Variants in RABGAP1L observed in about 807,000 individuals in gnomAD.
The protein encoded by RABGAP1L is RAB GTPase activating protein 1 like.
Under a neutral mutation model 137.7 loss-of-function variants are expected in RABGAP1L, and 63 were observed. The ratio of observed to expected loss-of-function variants is 0.46; its 90% CI spans 0.37 to 0.56. The LOEUF is 0.56. RABGAP1L is among the 20% of genes least tolerant of loss of function. RABGAP1L has a pLI of 0.00. For synonymous variants in RABGAP1L, 431 were observed against 433.7 expected (o/e 0.99, Z 0.08); for missense variants, 1,095 against 1,244.0 (o/e 0.88, Z 1.80).
At chr1:174,704,855 A>G (rs1035115292) in intron 17 of RABGAP1L, among the ~76,000 whole-genome samples, 3 of 152,200 alleles carry the variant, frequency 2.0e-5, no homozygotes, top group Non-Finnish European at 2.9e-5. Flanking sequence ...TTATAGGGCA[A>G]TACTCTTTGA....
At position 174,711,439 on chromosome 1, in the gene RABGAP1L, G is replaced by A. The variant is rs368229800; in HGVS notation, c.2169+9183G>A. Reference sequence around the variant, plus strand: ...AACCGAGGCTGCGCACAGTGCTTGCGGGCCAGAACGAGTTCCAGGTGGGCG... The same window carrying A: ...AACCGAGGCTGCGCACAGTGCTTGCAGGCCAGAACGAGTTCCAGGTGGGCG... On this transcript the variant is annotated intron_variant, in intron 17 of 25. Transcript: ENST00000681986. Among the ~76,000 whole-genome samples, 122 of 152,150 alleles carry A rather than the reference G, an allele frequency of 8.0e-4. 2 individuals carry two copies. The East Asian group carries it at 0.021, about 27-fold the overall frequency.
At chr1:174,620,514 C>G (rs1009336793) in intron 13 of RABGAP1L, among the ~76,000 whole-genome samples, 1 of 152,144 alleles carries the variant, frequency 6.6e-6, no homozygotes, top group African/African-American at 2.4e-5. Context: ...GGAAACTGAA[C>G]AACCTGCTCC....
intron 11 of RABGAP1L, among the ~76,000 whole-genome samples, chr1:174,355,259 T>C (rs898401794): frequency 2.6e-5 from 4 of 151,986 alleles, no homozygotes; most frequent in African/African-American, 7.3e-5. Flanking sequence ...GTGGCACATA[T>C]ACACCATGGA....
chr1:174,656,326 T>C (rs1434804435), intron 14 of RABGAP1L, among the ~76,000 whole-genome samples: 1 of 152,040 alleles, frequency 6.6e-6, no homozygotes, highest in Non-Finnish European at 1.5e-5. Flanking sequence ...GGCATAGTGG[T>C]GGGTGCCTGT....
At chr1:174,486,223 C>CTTTTTTTT (rs201692363) in intron 13 of RABGAP1L, among the ~76,000 whole-genome samples, 9 of 119,870 alleles carry the variant, frequency 7.5e-5, no homozygotes, top group Non-Finnish European at 1.1e-4. Context: ...GTTCTTTTTT[C>CTTTTTTTT]TTTTTTTTTT....
chr1:174,422,647 A>G (rs563020281), intron 13 of RABGAP1L, among the ~76,000 whole-genome samples: 15 of 152,200 alleles, frequency 9.9e-5, no homozygotes, highest in Non-Finnish European at 1.3e-4. Context: ...TCTGATTAAA[A>G]TCTAGTTTAA....
At chr1:174,790,461 T>C (rs1204952953) in intron 18 of RABGAP1L, among the ~76,000 whole-genome samples, 3 of 151,704 alleles carry the variant, frequency 2.0e-5, no homozygotes, top group Non-Finnish European at 4.4e-5. Context: ...CCGTCTCTAC[T>C]AAAAATACAA....
At chr1:174,266,623 C>T (rs547061631) in intron 7 of RABGAP1L, among the ~76,000 whole-genome samples, 4 of 152,212 alleles carry the variant, frequency 2.6e-5, no homozygotes, top group Non-Finnish European at 5.9e-5. Context: ...TCACTATATA[C>T]ATACATGATT....
chr1:174,696,704 C>T lies in RABGAP1L; in HGVS notation c.1900-2821C>T, dbSNP rs1679287070. ...CCACAATCCCTGCTCTCTCCCTTTC[C>T]CAAGTGCATGGATTCTTTCTCTACA... On this transcript the variant is annotated intron_variant, in intron 15 of 25. Coordinates refer to ENST00000681986, the MANE Select transcript of RABGAP1L (RefSeq NM_001366446.1). Among the ~76,000 whole-genome samples the T allele has an allele frequency of 2.0e-5, 3 of 152,130 alleles. No individual in the cohort carries two copies. In the South Asian group the frequency reaches 6.2e-4, roughly 32 times the overall value.
intron 19 of RABGAP1L, chr1:174,954,276 A>G (rs1573991951): frequency 6.6e-6 from 1 of 152,164 alleles, no homozygotes; most frequent in East Asian, 1.9e-4. Context: ...ACAGCACAAG[A>G]TAAATAAGCT....
Position 174,325,233 on chromosome 1 carries a change from A to T in RABGAP1L, c.1465+20106A>T, listed in dbSNP as rs567287481. 5.3e-5 allele frequency among the ~76,000 whole-genome samples: 8 copies of T among 152,330 alleles called. 1 individual carries two copies. Among genetic ancestry groups the T allele is most frequent in the African/African-American group, 1.9e-4 (8 of 41,590 alleles). ...GTTTTTTCAACAAAGGCATGTTAAT[A>T]GTGGGGGAAAGAAAGTAATTTTAGC... On this transcript the variant is annotated intron_variant, in intron 11 of 25. Coordinates refer to ENST00000681986, the MANE Select transcript of RABGAP1L (RefSeq NM_001366446.1).
chr1:174,362,429 C>G (rs757231441), intron 11 of RABGAP1L, among the ~76,000 whole-genome samples: 1 of 152,130 alleles, frequency 6.6e-6, no homozygotes, highest in African/African-American at 2.4e-5. Flanking sequence ...TTCTCCACAA[C>G]CTTGCCAGCA....
intron 18 of RABGAP1L, among the ~76,000 whole-genome samples, chr1:174,797,243 T>C (rs963677589): frequency 6.6e-6 from 1 of 152,060 alleles, no homozygotes; most frequent in Non-Finnish European, 1.5e-5. Flanking sequence ...TTCCCTACCC[T>C]TTAAAAAGTC....
At chr1:174,613,058 C>T (rs1284691528) in intron 13 of RABGAP1L, among the ~76,000 whole-genome samples, 4 of 151,156 alleles carry the variant, frequency 2.6e-5, no homozygotes, top group Admixed American at 2.6e-4. Context: ...CTATTTCCTT[C>T]AGTTCTGCTC....
In RABGAP1L at chr1:174,955,603, T is replaced by C. The variant is rs1668394728; in HGVS notation, c.2341-1854T>C. Among the ~76,000 whole-genome samples, 2 of 152,242 alleles carry C rather than the reference T, an allele frequency of 1.3e-5. 1 individual carries two copies. The highest frequency in any genetic ancestry group is 1.3e-4 in the Admixed American group (2 of 15,284). On this transcript the variant is annotated intron_variant, in intron 19 of 25. Transcript: ENST00000681986. ...ATATGTATATGTTTTCTAAATACCA[T>C]ATTTTAAACTCAACAAGGAACAATC... is the stretch of plus-strand genomic sequence containing the variant.
chr1:174,741,789 A>G (rs1022325557), intron 17 of RABGAP1L, among the ~76,000 whole-genome samples: 2 of 141,146 alleles, frequency 1.4e-5, no homozygotes, highest in Non-Finnish European at 3.0e-5. Flanking sequence ...TGGCATTTTT[A>G]AGGATTTTTT....
intron 11 of RABGAP1L, among the ~76,000 whole-genome samples, chr1:174,352,446 A>G (rs1683281029): frequency 6.6e-6 from 1 of 152,118 alleles, no homozygotes; most frequent in Non-Finnish European, 1.5e-5. Context: ...TCTTTGTTAA[A>G]TTTATATGAT....
rs1572402000 is a variant in RABGAP1L at position 174,584,463 on chromosome 1, C to T, written c.1711-52912C>T. 2.0e-5 allele frequency among the ~76,000 whole-genome samples: 3 copies of T among 152,304 alleles called. No individual in the cohort carries two copies. The Middle Eastern group carries it at 0.01, about 518-fold the overall frequency. On this transcript the variant is annotated intron_variant, in intron 13 of 25. Transcript: ENST00000681986. The stretch of plus-strand genomic sequence containing the variant: ...CATTCTTGGGTCAGGCACAGTGTCT[C>T]ATGCCTGCAATCCTGGTGCTTTGGG...
At chr1:174,885,235 A>C (rs1654882425) in intron 19 of RABGAP1L, among the ~76,000 whole-genome samples, 1 of 152,214 alleles carries the variant, frequency 6.6e-6, no homozygotes, top group African/African-American at 2.4e-5. Context: ...TGTTAGTAGT[A>C]CCTGTAAGAT....
Sources: allele counts gnomAD v4.1 joint callset (sites outside exome capture counted in the v4.1 genomes callset), GRCh38; gene constraint gnomAD v4.1.1; transcripts MANE v1.5; gene names NCBI Gene and HGNC (gene_info 2026-07-23, HGNC 2026-07-21).